Variants in TXNDC16 observed in about 807,000 individuals in gnomAD.
The protein encoded by TXNDC16 is thioredoxin domain-containing protein 16.
TXNDC16 carries 74 observed loss-of-function variants against 85.6 expected under a neutral mutation model. That is an observed-to-expected ratio of 0.86 (90% CI 0.72 to 1.05). The LOEUF (loss-of-function observed/expected upper bound fraction) is 1.05, where lower values mean the gene tolerates loss of function less well. Ranked by LOEUF, TXNDC16 falls within the 50% of genes least tolerant of loss-of-function variation. The pLI is 0.00. For missense variants in TXNDC16, 959 were observed against 947.0 expected (o/e 1.01, Z -0.17); for synonymous variants, 335 against 326.5 (o/e 1.03, Z -0.28).
intron 9 of TXNDC16, among the ~76,000 whole-genome samples, chr14:52,493,216 T>TATATATATATATATATATATATATATAC: frequency 3.4e-5 from 4 of 115,990 alleles, no homozygotes; most frequent in African/African-American, 1.1e-4. Flanking sequence ...TATATATATA[T>TATATATATATATATATATATATATATAC]ACACACACAC....
intron 14 of TXNDC16, among the ~76,000 whole-genome samples, chr14:52,475,147 A>G (rs571505265): frequency 6.6e-6 from 1 of 152,296 alleles, no homozygotes; most frequent in Admixed American, 6.5e-5. Flanking sequence ...CGGGTAAAGG[A>G]AGCAGCAGGA....
intron 10 of TXNDC16, 57 bp from the exon 11 acceptor site, chr14:52,490,508 C>A: frequency 7.8e-7 from 1 of 1,283,502 alleles, no homozygotes; most frequent in Non-Finnish European, 1.1e-6. Flanking sequence ...TAATAGTCAC[C>A]CAGGACTTCA....
chr14:52,551,530 C>T lies in TXNDC16; in HGVS notation c.-182+786G>A, dbSNP rs1287921523. On this transcript the variant is annotated intron_variant, in intron 1 of 20. Coordinates refer to ENST00000281741, the MANE Select transcript of TXNDC16 (RefSeq NM_020784.3). ...GATGGTGAGGTAAGAAAAGCTGGGT[C>T]TTTGTTGCTCCAATAAACGTAGCAA... Among the ~76,000 whole-genome samples, 7 of 151,026 alleles carry T rather than the reference C, an allele frequency of 4.6e-5. No homozygotes were observed. The East Asian group carries it at 1.4e-3, about 29-fold the overall frequency.
intron 16 of TXNDC16, 66 bp downstream of exon 16, chr14:52,469,971 T>C (rs1221830440): frequency 4.3e-6 from 6 of 1,409,482 alleles, no homozygotes; most frequent in Non-Finnish European, 5.7e-6. Context: ...AAGATATTCT[T>C]AAAAAATAAA....
At chr14:52,529,997 T>G (rs1203612125) in intron 6 of TXNDC16, among the ~76,000 whole-genome samples, 2 of 104,840 alleles carry the variant, frequency 1.9e-5, no homozygotes, top group African/African-American at 7.9e-5. Flanking sequence ...ATAATTCATA[T>G]ATATAATATA....
intron 16 of TXNDC16, chr14:52,463,003 A>G (rs530339199): frequency 4.4e-6 from 2 of 455,226 alleles, no homozygotes; most frequent in Admixed American, 2.4e-5. Context: ...CAAAGGGGAT[A>G]GAACACAAAA....
At chr14:52,486,978 A>G (rs2036286970) in intron 12 of TXNDC16, among the ~76,000 whole-genome samples, 1 of 152,184 alleles carries the variant, frequency 6.6e-6, no homozygotes, top group African/African-American at 2.4e-5. Context: ...GGAAATAAAA[A>G]CCAGAAAGAG....
At chr14:52,479,366 T>G (rs891191357) in intron 14 of TXNDC16, among the ~76,000 whole-genome samples, 1 of 152,060 alleles carries the variant, frequency 6.6e-6, no homozygotes, top group Non-Finnish European at 1.5e-5. Context: ...AAAGAGGAAG[T>G]CAAACTGTTG....
chr14:52,533,329 A>T (rs931586977), intron 6 of TXNDC16, among the ~76,000 whole-genome samples: 2 of 152,174 alleles, frequency 1.3e-5, no homozygotes, highest in African/African-American at 2.4e-5. Context: ...ACTGTTACCA[A>T]ATTAACCATT....
At chr14:52,539,870 C>G (rs1350669031) in intron 4 of TXNDC16, among the ~76,000 whole-genome samples, 1 of 151,804 alleles carries the variant, frequency 6.6e-6, no homozygotes, top group Non-Finnish European at 1.5e-5. Flanking sequence ...TTTCTGAAAC[C>G]CTTATTTTGG....
chr14:52,536,572 G>T, intron 6 of TXNDC16, 147 bp downstream of exon 6: 1 of 745,730 alleles, frequency 1.3e-6, no homozygotes. Flanking sequence ...CCTCGATGTG[G>T]GAAGATAGAT....
chr14:52,478,571 A>G (rs1342079278), intron 14 of TXNDC16, among the ~76,000 whole-genome samples: 4 of 152,100 alleles, frequency 2.6e-5, no homozygotes, highest in African/African-American at 9.7e-5. Context: ...CCTAGAGGAG[A>G]TGGATAAATT....
chr14:52,528,259 G>A lies in TXNDC16; in HGVS notation c.392+8460C>T, dbSNP rs990708336. ...AAGTAAGGAACAACACAAATGCTTC[G>A]GGATAAAAGTAACAGCATGGGTTAC... On this transcript the variant is annotated intron_variant, in intron 6 of 20. Transcript: ENST00000281741. Among the ~76,000 whole-genome samples, 6 of 152,102 alleles carry A rather than the reference G, an allele frequency of 3.9e-5. No individual in the cohort carries two copies. In the East Asian group the frequency reaches 5.8e-4, roughly 15 times the overall value.
At chr14:52,452,701 A>C (rs1022496077) in intron 18 of TXNDC16, among the ~76,000 whole-genome samples, 2 of 152,172 alleles carry the variant, frequency 1.3e-5, no homozygotes, top group African/African-American at 4.8e-5. Flanking sequence ...CCAGACGTAA[A>C]TCTAAGACCT....
At chr14:52,512,783 A>G (rs921389751) in intron 8 of TXNDC16, among the ~76,000 whole-genome samples, 1 of 152,224 alleles carries the variant, frequency 6.6e-6, no homozygotes, top group Non-Finnish European at 1.5e-5. Flanking sequence ...GCAAGCGTTC[A>G]GGGAACTTCG....
At chr14:52,457,669 G>A (rs570944911) in intron 16 of TXNDC16, among the ~76,000 whole-genome samples, 3 of 152,240 alleles carry the variant, frequency 2.0e-5, no homozygotes, top group South Asian at 4.2e-4. Flanking sequence ...AAGTAGAAGG[G>A]ATTCTGTGTC....
chr14:52,489,870 C>CT (rs2036360169), intron 11 of TXNDC16, among the ~76,000 whole-genome samples: 1 of 152,166 alleles, frequency 6.6e-6, no homozygotes, highest in African/African-American at 2.4e-5. Flanking sequence ...GGGTCTGTCT[C>CT]TGTCACCCAG....
intron 6 of TXNDC16, among the ~76,000 whole-genome samples, chr14:52,522,405 A>G (rs1594751270): frequency 6.6e-6 from 1 of 152,316 alleles, no homozygotes; most frequent in African/African-American, 2.4e-5. Context: ...GGCAGAGCCC[A>G]AGTGAAAGCT....
chr14:52,439,821 T>C (rs1367390582), intron 19 of TXNDC16, among the ~76,000 whole-genome samples: 1 of 152,182 alleles, frequency 6.6e-6, no homozygotes, highest in African/African-American at 2.4e-5. Context: ...GTGCCTTTTC[T>C]CAGGAAAAGG....
Sources: allele counts gnomAD v4.1 joint callset (sites outside exome capture counted in the v4.1 genomes callset), GRCh38; gene constraint gnomAD v4.1.1; transcripts MANE v1.5; gene names NCBI Gene and HGNC (gene_info 2026-07-23, HGNC 2026-07-21).